DIP2B: variants seen among roughly 807,000 people sequenced by gnomAD.
DIP2B encodes the protein disco-interacting protein 2 homolog B.
In DIP2B, 76 loss-of-function variants were observed where a neutral mutation model predicts 198.0. That is an observed-to-expected ratio of 0.38 (90% CI 0.32 to 0.46). The LOEUF (loss-of-function observed/expected upper bound fraction) is 0.46. Ranked by LOEUF, DIP2B falls within the 20% of genes least tolerant of loss-of-function variation. The pLI is 0.99. For synonymous variants in DIP2B, 701 were observed against 739.1 expected, an observed-to-expected ratio of 0.95 and a Z score of 0.84; for missense variants, 1,559 against 1,978.4, an observed-to-expected ratio of 0.79 and a Z score of 4.02.
chr12:50,599,174 C>T (rs1220434033), intron 1 of DIP2B, among the ~76,000 whole-genome samples: 4 of 150,206 alleles, frequency 2.7e-5, no homozygotes, highest in African/African-American at 9.8e-5. Context: ...CACCTGTAGT[C>T]CCAGCTACTC....
chr12:50,566,702 G>C (rs1480610127), intron 1 of DIP2B, among the ~76,000 whole-genome samples: 4 of 152,008 alleles, frequency 2.6e-5, no homozygotes, highest in Non-Finnish European at 5.9e-5. Flanking sequence ...GGGCGCAGTG[G>C]CTCACACCTA....
At chr12:50,664,831 T>G (rs921188717) in intron 4 of DIP2B, among the ~76,000 whole-genome samples, 13 of 676 alleles carry the variant, frequency 0.019, no homozygotes, top group Admixed American at 0.036. Flanking sequence ...CCTTTTTTGG[T>G]TTTTGTTTTT....
At position 50,515,793 on chromosome 12, in the gene DIP2B, T is replaced by C. The variant is rs550844410; in HGVS notation, c.100+10553T>C. Among the ~76,000 whole-genome samples, 4 of 152,304 alleles carry C rather than the reference T, an allele frequency of 2.6e-5. No homozygotes were observed. The South Asian group carries it at 8.3e-4, about 32-fold the overall frequency. ...TCTGTATCTGTAGCCCTGACTTGCC[T>C]CTGCTCTAGACATTCCATTGGTTCC... On this transcript the variant is annotated intron_variant, in intron 1 of 37. Coordinates refer to ENST00000301180, the MANE Select transcript of DIP2B (RefSeq NM_173602.3).
chr12:50,571,327 A>G (rs1958611888), intron 1 of DIP2B, among the ~76,000 whole-genome samples: 1 of 151,770 alleles, frequency 6.6e-6, no homozygotes, highest in African/African-American at 2.4e-5. Flanking sequence ...GTGCGCCACC[A>G]TGCCTAGCTA....
intron 13 of DIP2B, 35 bp downstream of exon 13, chr12:50,691,186 C>A (rs370226305): frequency 6.4e-6 from 10 of 1,573,940 alleles, no homozygotes; most frequent in Admixed American, 1.7e-5. Context: ...CTCATTGTTA[C>A]CTTCAGAGAT....
rs373842256 is a variant in DIP2B at position 50,721,380 on chromosome 12, G to A, written c.3150G>A (p.Val1050=). 2.2e-4 allele frequency: 358 copies of A among 1,614,156 alleles called. No individual in the cohort carries two copies. The highest frequency in any genetic ancestry group is 4.5e-4 in the South Asian group (41 of 91,076). The change falls in exon 26 of 38, where the codon GTG becomes GTA. Residue 1050 remains valine, a synonymous_variant. Coordinates refer to ENST00000301180, the MANE Select transcript of DIP2B (RefSeq NM_173602.3). ...ATCTAAATGCAGGAGATAATGTGGT[G>A]TTGCTCTATCCACCTGGTAAGCATT... The part of the protein sequence containing the change: ...KGHLNAGDNV[V]LLYPPGIELI...
At chr12:50,651,198 G>A (rs1323444764) in intron 3 of DIP2B, among the ~76,000 whole-genome samples, 2 of 152,034 alleles carry the variant, frequency 1.3e-5, no homozygotes, top group African/African-American at 4.8e-5. Flanking sequence ...TTTTGTTACT[G>A]GGTTATAGGA....
chr12:50,685,736 A>G (rs1939119340), intron 10 of DIP2B, 97 bp from the exon 11 acceptor site: 3 of 1,375,696 alleles, frequency 2.2e-6, no homozygotes, highest in South Asian at 1.7e-5. Context: ...CATGAATGTT[A>G]TCAAACAAAA....
rs192672558 is a variant in DIP2B, at chr12:50,536,846, G to C, written c.100+31606G>C. Among the ~76,000 whole-genome samples the C allele has an allele frequency of 5.3e-5, 8 of 151,124 alleles. No individual in the cohort carries two copies. In the Admixed American group the frequency reaches 5.3e-4, roughly 10 times the overall value. ...GGCCTCCCAAAGTGCTGGGATTACA[G>C]GTGTGAGCCACAATAATTGTATTTT... On this transcript the variant is annotated intron_variant, in intron 1 of 37. Transcript: ENST00000301180.
chr12:50,506,364 T>C (rs571051374), intron 1 of DIP2B, among the ~76,000 whole-genome samples: 7 of 152,348 alleles, frequency 4.6e-5, no homozygotes, highest in Non-Finnish European at 7.3e-5. Context: ...CAGGAGCTTA[T>C]TAAACATTAC....
In DIP2B at chr12:50,701,395, G is replaced by T. The variant is rs145337519; in HGVS notation, c.2325+2193G>T. 4.6e-3 allele frequency among the ~76,000 whole-genome samples: 698 copies of T among 152,234 alleles called. 8 individuals carry two copies. Among genetic ancestry groups the T allele is most frequent in the African/African-American group, 0.016 (658 of 41,566 alleles). On this transcript the variant is annotated intron_variant, in intron 19 of 37. Coordinates refer to ENST00000301180, the MANE Select transcript of DIP2B (RefSeq NM_173602.3). The stretch of plus-strand genomic sequence containing the variant: ...GGTTTGTTTTTTTGTTGTTGTTGTT[G>T]TTTTTTAGGTGGGGTCTTGCTCTGT...
intron 1 of DIP2B, among the ~76,000 whole-genome samples, chr12:50,519,113 T>C (rs150207724): frequency 3.9e-5 from 6 of 152,304 alleles, no homozygotes; most frequent in African/African-American, 1.4e-4. Context: ...TGTTCTATCT[T>C]ATTCTCAGAG....
At chr12:50,664,592 G>A (rs1367193826) in intron 4 of DIP2B, among the ~76,000 whole-genome samples, 1 of 152,020 alleles carries the variant, frequency 6.6e-6, no homozygotes, top group Non-Finnish European at 1.5e-5. Context: ...AAAGCACAAC[G>A]CAAAAACTAC....
intron 20 of DIP2B, among the ~76,000 whole-genome samples, chr12:50,704,911 A>G (rs1474443068): frequency 6.6e-6 from 1 of 152,042 alleles, no homozygotes; most frequent in Admixed American, 6.6e-5. Flanking sequence ...TCACGCCACT[A>G]TGCTCCAGCC....
At chr12:50,721,450 A>G in intron 26 of DIP2B, 54 bp downstream of exon 26, 1 of 1,604,160 alleles carries the variant, frequency 6.2e-7, no homozygotes, top group Non-Finnish European at 8.5e-7. Context: ...GACTGACTAC[A>G]AATTATAAAA....
In DIP2B at chr12:50,746,232, A is replaced by G. The variant is rs1565889706; in HGVS notation, c.*1393A>G. 6.6e-6 allele frequency: 1 copy of G among 152,212 alleles called. No homozygotes were observed. Among genetic ancestry groups the G allele is most frequent in the Admixed American group, 6.5e-5 (1 of 15,276 alleles). 9.4% of individuals were successfully genotyped at this position (152,212 alleles called of 1,614,324 possible). A position where few individuals can be genotyped will look rare whatever the true frequency, so the allele number is the denominator to read the frequency against. On this transcript the variant is annotated 3_prime_UTR_variant, in exon 38 of 38. Transcript: ENST00000301180. ...TAAATCGTATTATTTTTTTCTTAAC[A>G]GAAATATTTTTAAAAATGAAAAAGT...
chr12:50,711,848 C>T (rs1939622076), intron 22 of DIP2B, among the ~76,000 whole-genome samples: 1 of 152,182 alleles, frequency 6.6e-6, no homozygotes, highest in Non-Finnish European at 1.5e-5. Flanking sequence ...GCGTGAGTCA[C>T]TGCACCTGGC....
At position 50,505,190 on chromosome 12, in the gene DIP2B, C is replaced by A; in HGVS notation, c.50C>A (p.Pro17Gln). ...EPSPAAVAAL[P>Q]PEVRAQLAEL... is the part of the protein sequence containing the mutation. ...TCGCCGGCCGCGGTGGCGGCGCTGC[C>A]GCCTGAAGTGCGGGCGCAGCTGGCG... Residue 17 changes from proline to glutamine, a missense_variant, in exon 1 of 38, where the codon CCG (proline) becomes CAG (glutamine). Transcript: ENST00000301180. The A allele has an allele frequency of 6.6e-7, 1 of 1,524,570 alleles. No individual in the cohort carries two copies. The allele number at this position is 1,524,570 out of a possible 1,614,324, so 94.4% of individuals were successfully genotyped here.
intron 26 of DIP2B, among the ~76,000 whole-genome samples, chr12:50,722,393 A>C (rs541893822): frequency 4.7e-5 from 7 of 148,078 alleles, no homozygotes; most frequent in African/African-American, 1.9e-4. Context: ...AGCTGGGATC[A>C]CAGGCACACG....
Sources: gnomAD v4.1 joint callset for allele counts (sites outside exome capture counted in the v4.1 genomes callset) on GRCh38, gnomAD v4.1.1 for gene constraint, MANE v1.5 for transcripts, NCBI Gene and HGNC (gene_info 2026-07-23, HGNC 2026-07-21) for gene names.